Variants in ACCSL observed in about 807,000 individuals in gnomAD.
ACCSL encodes probable inactive 1-aminocyclopropane-1-carboxylate synthase-like protein 2.
Under a neutral mutation model 61.7 loss-of-function variants are expected in ACCSL, and 55 were observed. That is an observed-to-expected ratio of 0.89 (90% CI 0.72 to 1.12). The LOEUF (loss-of-function observed/expected upper bound fraction) is 1.12, where lower values mean the gene tolerates loss of function less well. ACCSL is among the 50% of genes most tolerant of loss of function. The probability of loss-of-function intolerance (pLI) is 0.00; values close to 1 mark genes in which losing one functional copy is unlikely to be tolerated. For synonymous variants in ACCSL, 258 were observed against 264.3 expected (o/e 0.98, Z 0.23); for missense variants, 632 against 698.0 (o/e 0.91, Z 1.07).
At chr11:44,004,098 T>A in the ACCSL span, among the ~76,000 whole-genome samples, 67,448 of 151,454 alleles carry the variant, frequency 0.45, 15,528 homozygotes, top group Middle Eastern at 0.57. Context: ...TGCAGCCTCT[T>A]GTTCCGTTGG....
the ACCSL span, among the ~76,000 whole-genome samples, chr11:43,996,829 T>C: frequency 1.8e-5 from 2 of 108,288 alleles, no homozygotes; most frequent in Non-Finnish European, 1.9e-5. Flanking sequence ...TTTTTTTTTT[T>C]TGAGGCAAAG....
chr11:43,982,764 C>A, the ACCSL span, among the ~76,000 whole-genome samples: 1 of 152,268 alleles, frequency 6.6e-6, no homozygotes, highest in Non-Finnish European at 1.5e-5. Context: ...AGTCATTCCT[C>A]CTGTGGAGGT....
the ACCSL span, among the ~76,000 whole-genome samples, chr11:43,953,507 C>T: frequency 7.0e-5 from 9 of 129,294 alleles, no homozygotes; most frequent in East Asian, 1.6e-3. Flanking sequence ...AGTGACAGAG[C>T]GAGACTCTGA....
chr11:44,027,785 T>G, the ACCSL span, among the ~76,000 whole-genome samples: 1 of 152,230 alleles, frequency 6.6e-6, no homozygotes, highest in African/African-American at 2.4e-5. Context: ...CATGTTTGTG[T>G]GTATGCATAA....
At position 44,053,009 on chromosome 11, in the gene ACCSL, C is replaced by T. The variant is rs746936273; in HGVS notation, c.889C>T (p.His297Tyr). ...CTTCCAGGTCACTGTTACAAACACC[C>T]ATCCTTTCCAGCTCACTGTGGACAA... ...LESEVTVTNT[H>Y]PFQLTVDKLE... Residue 297 changes from histidine (H) to tyrosine (Y), a missense_variant, in exon 7 of 14, where the codon CAT becomes TAT. His to Tyr is a moderately conservative substitution (Grantham distance 83). Coordinates refer to ENST00000378832, the MANE Select transcript of ACCSL (RefSeq NM_001031854.2). 1.9e-6 allele frequency: 3 copies of T among 1,614,020 alleles called. No individual in the cohort carries two copies. Among genetic ancestry groups the T allele is most frequent in the African/African-American group, 1.3e-5 (1 of 74,930 alleles).
At chr11:44,013,751 T>TCAAAAACAAAAACA in the ACCSL span, among the ~76,000 whole-genome samples, 5 of 22,786 alleles carry the variant, frequency 2.2e-4, no homozygotes, top group Admixed American at 8.0e-4. Flanking sequence ...CTAGTTTAAT[T>TCAAAAACAAAAACA]CAAAAACAAA....
chr11:44,038,915 C>T, the ACCSL span, among the ~76,000 whole-genome samples: 1 of 152,114 alleles, frequency 6.6e-6, no homozygotes, highest in Admixed American at 6.6e-5. Flanking sequence ...TTTGCAGTCT[C>T]TGTAAGGTGA....
chr11:43,933,166 T>G, the ACCSL span: 1 of 456,142 alleles, frequency 2.2e-6, no homozygotes, highest in South Asian at 1.5e-5. Flanking sequence ...TCAGGCTTGC[T>G]TTATGGAATC....
the ACCSL span, among the ~76,000 whole-genome samples, chr11:43,969,284 C>A: frequency 0.29 from 43,770 of 151,922 alleles, 6,594 homozygotes; most frequent in East Asian, 0.46. Context: ...TCACTTGAAC[C>A]CAGGAGGTCA....
the ACCSL span, among the ~76,000 whole-genome samples, chr11:43,928,634 G>T: frequency 6.6e-6 from 1 of 152,134 alleles, no homozygotes; most frequent in African/African-American, 2.4e-5. Flanking sequence ...CTTCTCAAAG[G>T]TGGATGCTGG....
chr11:44,004,513 C>T, the ACCSL span, among the ~76,000 whole-genome samples: 1 of 152,142 alleles, frequency 6.6e-6, no homozygotes, highest in Admixed American at 6.5e-5. Flanking sequence ...GTCCCCTCCC[C>T]ATAAAAGCCT....
At chr11:44,016,062 G>A in the ACCSL span, among the ~76,000 whole-genome samples, 1 of 151,968 alleles carries the variant, frequency 6.6e-6, no homozygotes, top group Non-Finnish European at 1.5e-5. Flanking sequence ...TTTCTCCTAT[G>A]TGGCCCTAGC....
At chr11:43,944,457 A>G in the ACCSL span, 96,400 of 153,720 alleles carry the variant, frequency 0.63, 30,525 homozygotes, top group East Asian at 0.81. Context: ...CGCTGCGGGG[A>G]AAACCGCGGC....
At chr11:43,993,760 G>A in the ACCSL span, among the ~76,000 whole-genome samples, 1 of 152,204 alleles carries the variant, frequency 6.6e-6, no homozygotes, top group Non-Finnish European at 1.5e-5. Context: ...TGGGCAGGAA[G>A]GATCCCTATA....
chr11:43,925,242 T>C, the ACCSL span: 1 of 388,318 alleles, frequency 2.6e-6, no homozygotes. Flanking sequence ...CCTAAAGCCC[T>C]GTGGGGTGTC....
At chr11:43,975,119 A>G in the ACCSL span, among the ~76,000 whole-genome samples, 1 of 152,182 alleles carries the variant, frequency 6.6e-6, no homozygotes, top group Admixed American at 6.5e-5. Flanking sequence ...GTTAGTGACA[A>G]TCTAAATGTT....
At chr11:43,934,728 C>G in the ACCSL span, among the ~76,000 whole-genome samples, 1 of 152,112 alleles carries the variant, frequency 6.6e-6, no homozygotes, top group Non-Finnish European at 1.5e-5. Flanking sequence ...TGCCTACCCC[C>G]CAGGGAAAAG....
At chr11:43,934,225 T>C in the ACCSL span, among the ~76,000 whole-genome samples, 1 of 152,208 alleles carries the variant, frequency 6.6e-6, no homozygotes, top group East Asian at 1.9e-4. Flanking sequence ...AACACTTTTA[T>C]GCTCCCAGTC....
chr11:43,947,087 T>G, the ACCSL span: 1 of 152,280 alleles, frequency 6.6e-6, no homozygotes, highest in East Asian at 1.9e-4. Flanking sequence ...CACCAACATC[T>G]TCTTCTGGTG....
Sources: allele counts gnomAD v4.1 joint callset (sites outside exome capture counted in the v4.1 genomes callset), GRCh38; gene constraint gnomAD v4.1.1; transcripts MANE v1.5; gene names NCBI Gene and HGNC (gene_info 2026-07-23, HGNC 2026-07-21).